Variants in GXYLT2 observed in about 807,000 individuals in gnomAD.
GXYLT2 encodes glycosyltransferase 8 domain containing 4.
A neutral mutation model predicts 45.8 loss-of-function variants in GXYLT2; 53 were observed. That is an observed-to-expected ratio of 1.16 (90% confidence interval 0.93 to 1.46). The LOEUF is 1.46. Ranked by LOEUF, GXYLT2 falls within the 40% of genes most tolerant of loss-of-function variation. The pLI is 0.00. For missense variants in GXYLT2, 551 were observed against 544.4 expected (o/e 1.01, Z -0.12); for synonymous variants, 219 against 214.2 (o/e 1.02, Z -0.19).
At chr3:72,945,012 G>A (rs1575805397) in intron 3 of GXYLT2, among the ~76,000 whole-genome samples, 2 of 151,594 alleles carry the variant, frequency 1.3e-5, no homozygotes, top group African/African-American at 2.4e-5. Flanking sequence ...AGATCTTCTC[G>A]TCACTTAGAA....
intron 6 of GXYLT2, among the ~76,000 whole-genome samples, chr3:72,973,884 C>T (rs1711043086): frequency 1.3e-5 from 2 of 152,164 alleles, no homozygotes; most frequent in Non-Finnish European, 2.9e-5. Flanking sequence ...CCAACCTGGT[C>T]TGGGAGAGAA....
intron 3 of GXYLT2, chr3:72,929,495 T>G (rs1709983873): frequency 6.7e-7 from 1 of 1,485,788 alleles, no homozygotes; most frequent in Admixed American, 1.7e-5. Flanking sequence ...AAGAATTGGG[T>G]GGCCACGTGA....
intron 5 of GXYLT2, among the ~76,000 whole-genome samples, chr3:72,962,804 G>A (rs146347443): frequency 6.6e-6 from 1 of 152,124 alleles, no homozygotes; most frequent in East Asian, 1.9e-4. Context: ...TTGAGAGAGA[G>A]ACCCTCAAGG....
intron 2 of GXYLT2, among the ~76,000 whole-genome samples, chr3:72,913,955 T>C (rs1228433882): frequency 1.3e-5 from 2 of 152,128 alleles, no homozygotes; most frequent in Non-Finnish European, 2.9e-5. Context: ...CTCCTATATT[T>C]TGGGCACTTT....
At chr3:72,953,911 T>A (rs1202592942) in intron 3 of GXYLT2, among the ~76,000 whole-genome samples, 1 of 151,888 alleles carries the variant, frequency 6.6e-6, no homozygotes, top group African/African-American at 2.4e-5. Flanking sequence ...CCAGACAACA[T>A]AACAACACCT....
intron 2 of GXYLT2, among the ~76,000 whole-genome samples, chr3:72,911,434 G>A (rs1709620152): frequency 1.3e-5 from 2 of 152,044 alleles, no homozygotes; most frequent in Admixed American, 1.3e-4. Flanking sequence ...ATTGTCCCAG[G>A]GTCCTCTGTG....
chr3:72,890,151 A>G (rs1709156729), intron 1 of GXYLT2, among the ~76,000 whole-genome samples: 1 of 152,064 alleles, frequency 6.6e-6, no homozygotes, highest in Admixed American at 6.6e-5. Context: ...GAGCCCAGTG[A>G]TCCATCTGCC....
chr3:72,913,485 C>G (rs957100274), intron 2 of GXYLT2, among the ~76,000 whole-genome samples: 1 of 151,574 alleles, frequency 6.6e-6, no homozygotes, highest in Non-Finnish European at 1.5e-5. Flanking sequence ...ACCTGAGGTC[C>G]GGAGTTCGAG....
At chr3:72,962,286 G>A (rs886320352) in intron 5 of GXYLT2, among the ~76,000 whole-genome samples, 1 of 152,210 alleles carries the variant, frequency 6.6e-6, no homozygotes, top group African/African-American at 2.4e-5. Context: ...GAGCCCTGAT[G>A]TAAAACGCAA....
At position 72,932,281 on chromosome 3, in the gene GXYLT2, C is replaced by T. The variant is rs148348656; in HGVS notation, c.600+9946C>T. Among the ~76,000 whole-genome samples the T allele has an allele frequency of 4.7e-3, 718 of 152,260 alleles. 7 individuals are homozygous for T. Among genetic ancestry groups the T allele is most frequent in the African/African-American group, 0.016 (662 of 41,532 alleles). On this transcript the variant is annotated intron_variant, in intron 3 of 6. Coordinates refer to ENST00000389617, the MANE Select transcript of GXYLT2 (RefSeq NM_001080393.2). ...CCATGTTGGCCAGGCTGGTCTCAAA[C>T]TCCTAACCTCAGTTGATCCACCTGC...
intron 1 of GXYLT2, among the ~76,000 whole-genome samples, chr3:72,891,684 G>T (rs991507612): frequency 6.6e-6 from 1 of 152,090 alleles, no homozygotes; most frequent in Admixed American, 6.5e-5. Context: ...CTAAGACAAC[G>T]TATAGTAAAA....
intron 1 of GXYLT2, among the ~76,000 whole-genome samples, chr3:72,907,359 T>C (rs1709533480): frequency 6.6e-6 from 1 of 152,166 alleles, no homozygotes; most frequent in Non-Finnish European, 1.5e-5. Context: ...AACCATGCAG[T>C]GAATAATGGA....
chr3:72,889,150 A>T (rs1709128321), intron 1 of GXYLT2, among the ~76,000 whole-genome samples: 1 of 149,008 alleles, frequency 6.7e-6, no homozygotes, highest in Non-Finnish European at 1.5e-5. Context: ...CTTCTGTTTG[A>T]TACTCTCTTT....
At chr3:72,963,165 A>G (rs919829553) in intron 5 of GXYLT2, among the ~76,000 whole-genome samples, 2 of 151,880 alleles carry the variant, frequency 1.3e-5, no homozygotes, top group Non-Finnish European at 2.9e-5. Flanking sequence ...ATAAAAATAC[A>G]TAAAAAATAA....
At chr3:72,942,240 C>T (rs1710315864) in intron 3 of GXYLT2, among the ~76,000 whole-genome samples, 1 of 151,700 alleles carries the variant, frequency 6.6e-6, no homozygotes, top group African/African-American at 2.4e-5. Flanking sequence ...CATAAGTCCA[C>T]ACCAATCTAA....
At chr3:72,954,111 A>AT (rs1258285546) in intron 3 of GXYLT2, among the ~76,000 whole-genome samples, 3 of 151,858 alleles carry the variant, frequency 2.0e-5, no homozygotes, top group African/African-American at 7.3e-5. Flanking sequence ...TATTTTTTTA[A>AT]TTTTTTATTT....
At chr3:72,900,157 A>T (rs981019722) in intron 1 of GXYLT2, among the ~76,000 whole-genome samples, 1 of 152,242 alleles carries the variant, frequency 6.6e-6, no homozygotes, top group Non-Finnish European at 1.5e-5. Context: ...AGTAAATAGC[A>T]CTACACATAA....
In GXYLT2 at chr3:72,888,495, G is replaced by A; in HGVS notation, c.262G>A (p.Glu88Lys). 1 of 1,245,810 alleles carries A rather than the reference G, an allele frequency of 8.0e-7. No individual in the cohort carries two copies. Among genetic ancestry groups the A allele is most frequent in the Non-Finnish European group, 1.0e-6 (1 of 992,182 alleles). 77.2% of individuals were successfully genotyped at this position (1,245,810 alleles called of 1,614,324 possible). A position where few individuals can be genotyped will look rare whatever the true frequency, so the allele number is the denominator to read the frequency against. Residue 88 changes from glutamate (E) to lysine (K), a missense_variant, in exon 1 of 7, where the codon GAG (glutamate) becomes AAG (lysine). By Grantham distance (56) the Glu-to-Lys change is moderately conservative. Transcript: ENST00000389617. ...RAGRRGAARL[E>K]KLARRPGEPR... is the part of the protein sequence containing the mutation. ...GGGCCGCCGGGGCGCTGCGAGACTG[G>A]AGAAGTTGGCGAGGTGAGTCGTGGC...
chr3:72,973,410 A>G (rs1006757875), intron 6 of GXYLT2, among the ~76,000 whole-genome samples: 1 of 152,218 alleles, frequency 6.6e-6, no homozygotes, highest in Admixed American at 6.5e-5. Context: ...GAGAGTTTCC[A>G]GGTCACCTTG....
Sources: gnomAD v4.1 joint callset for allele counts (sites outside exome capture counted in the v4.1 genomes callset) on GRCh38, gnomAD v4.1.1 for gene constraint, MANE v1.5 for transcripts, NCBI Gene and HGNC (gene_info 2026-07-23, HGNC 2026-07-21) for gene names.